The following KCNIP4 variants were observed in gnomAD, a reference collection of about 807,000 sequenced individuals.
KCNIP4 encodes Kv channel-interacting protein 4.
Under a neutral mutation model 34.0 loss-of-function variants are expected in KCNIP4, and 12 were observed. That is an observed-to-expected ratio of 0.35 (90% CI 0.23 to 0.57). KCNIP4 has a LOEUF of 0.57. Among genes scored for constraint, KCNIP4 ranks in the 20% least tolerant of loss-of-function variants. The pLI is 0.83. For missense variants in KCNIP4, 238 were observed against 311.7 expected, an observed-to-expected ratio of 0.76 and a Z score of 1.78; for synonymous variants, 124 against 102.2, an observed-to-expected ratio of 1.21 and a Z score of -1.29.
At chr4:21,739,887 G>C (rs1716283055) in intron 1 of KCNIP4, among the ~76,000 whole-genome samples, 1 of 152,032 alleles carries the variant, frequency 6.6e-6, no homozygotes, top group Non-Finnish European at 1.5e-5. Context: ...CCAATGGTTG[G>C]TTCACAGGAA....
intron 1 of KCNIP4, among the ~76,000 whole-genome samples, chr4:21,570,878 A>G (rs531313177): frequency 2.0e-5 from 3 of 152,138 alleles, no homozygotes; most frequent in South Asian, 2.1e-4. Flanking sequence ...TATTTTCCCT[A>G]TTTTATATGG....
At chr4:21,835,366 G>A (rs189248301) in intron 1 of KCNIP4, among the ~76,000 whole-genome samples, 163 of 151,996 alleles carry the variant, frequency 1.1e-3, no homozygotes, top group South Asian at 3.5e-3. Flanking sequence ...AAAATAAAAA[G>A]GTGATCAATC....
chr4:21,196,152 A>T (rs1355469068), intron 1 of KCNIP4, among the ~76,000 whole-genome samples: 2 of 152,236 alleles, frequency 1.3e-5, no homozygotes, highest in African/African-American at 4.8e-5. Context: ...AAAAGTTATC[A>T]TTAGTCCACA....
chr4:21,577,293 T>C (rs1740818340), intron 1 of KCNIP4, among the ~76,000 whole-genome samples: 1 of 152,172 alleles, frequency 6.6e-6, no homozygotes, highest in African/African-American at 2.4e-5. Flanking sequence ...AGACACCTCA[T>C]GATCTGGCCT....
intron 1 of KCNIP4, among the ~76,000 whole-genome samples, chr4:21,665,467 G>A (rs1009323359): frequency 1.3e-4 from 19 of 151,902 alleles, no homozygotes; most frequent in African/African-American, 4.3e-4. Context: ...AAGAAGTCAG[G>A]AAAAGCTGAG....
intron 3 of KCNIP4, among the ~76,000 whole-genome samples, chr4:20,838,504 C>T (rs1719334760): frequency 6.6e-6 from 1 of 152,176 alleles, no homozygotes; most frequent in Admixed American, 6.6e-5. Context: ...CATTTCCCAT[C>T]TTCCCCTGTA....
chr4:21,638,907 G>A (rs557678359), intron 1 of KCNIP4, among the ~76,000 whole-genome samples: 69 of 152,196 alleles, frequency 4.5e-4, no homozygotes, highest in South Asian at 3.5e-3. Context: ...AAGGTATCCA[G>A]GTGTGTTCTG....
chr4:20,982,306 A>G (rs904969195), intron 1 of KCNIP4, among the ~76,000 whole-genome samples: 1 of 152,206 alleles, frequency 6.6e-6, no homozygotes, highest in African/African-American at 2.4e-5. Context: ...CCAGAGAACC[A>G]AAACGTGGTG....
intron 1 of KCNIP4, among the ~76,000 whole-genome samples, chr4:21,588,777 A>T (rs1741865774): frequency 6.6e-6 from 1 of 151,650 alleles, no homozygotes; most frequent in Non-Finnish European, 1.5e-5. Flanking sequence ...CAAGAATGGG[A>T]TTTTATTTTC....
At chr4:21,771,541 C>T (rs539559908) in intron 1 of KCNIP4, among the ~76,000 whole-genome samples, 2 of 152,220 alleles carry the variant, frequency 1.3e-5, no homozygotes, top group South Asian at 4.1e-4. Flanking sequence ...GGCATTATGG[C>T]CATTTTCATG....
intron 1 of KCNIP4, among the ~76,000 whole-genome samples, chr4:20,985,115 T>C (rs535349122): frequency 2.0e-4 from 31 of 152,284 alleles, no homozygotes; most frequent in African/African-American, 6.0e-4. Context: ...AGGGACTCTG[T>C]AGGTGAACTG....
At chr4:21,238,906 C>A (rs1759579926) in intron 1 of KCNIP4, among the ~76,000 whole-genome samples, 1 of 152,118 alleles carries the variant, frequency 6.6e-6, no homozygotes, top group Admixed American at 6.6e-5. Flanking sequence ...AAACAGAGCC[C>A]ACATTGCTGA....
chr4:21,483,282 T>C (rs1389296368), intron 1 of KCNIP4, among the ~76,000 whole-genome samples: 1 of 151,878 alleles, frequency 6.6e-6, no homozygotes, highest in African/African-American at 2.4e-5. Flanking sequence ...CATAAAATGT[T>C]TAAAATTCTT....
chr4:20,818,667 C>G (rs961167706), intron 3 of KCNIP4, among the ~76,000 whole-genome samples: 2 of 152,150 alleles, frequency 1.3e-5, no homozygotes, highest in African/African-American at 4.8e-5. Flanking sequence ...AAAATCTCCA[C>G]TAGCTTTTCT....
At chr4:21,868,936 A>G (rs189962610) in intron 1 of KCNIP4, among the ~76,000 whole-genome samples, 1 of 152,350 alleles carries the variant, frequency 6.6e-6, no homozygotes, top group African/African-American at 2.4e-5. Context: ...CAACAGGATT[A>G]TTTGTTAAAA....
rs189346905 is a variant in KCNIP4 at position 21,930,953 on chromosome 4, T to C, written c.61+17618A>G. The stretch of plus-strand genomic sequence containing the variant: ...GAGAGCCAACCATCAGCAGACCCTG[T>C]TCTAGGCTTATGCCATATACTGAAC... On this transcript the variant is annotated intron_variant, in intron 1 of 8. Transcript: ENST00000382152. Among the ~76,000 whole-genome samples, 44 of 152,300 alleles carry C rather than the reference T, an allele frequency of 2.9e-4. 1 individual carries two copies. The highest frequency in any genetic ancestry group is 2.8e-3 in the Admixed American group (43 of 15,288).
intron 1 of KCNIP4, among the ~76,000 whole-genome samples, chr4:21,288,988 A>G (rs1192432758): frequency 6.6e-6 from 1 of 152,230 alleles, no homozygotes; most frequent in Non-Finnish European, 1.5e-5. Context: ...AATAAAGGAA[A>G]ACTAAGAACA....
chr4:21,654,923 CA>C (rs879270762), intron 1 of KCNIP4, among the ~76,000 whole-genome samples: 41 of 139,890 alleles, frequency 2.9e-4, no homozygotes, highest in Non-Finnish European at 4.1e-4. Flanking sequence ...GACTCTGTCT[CA>C]AAAAAAAAAG....
At chr4:21,665,477 G>A (rs1263217047) in intron 1 of KCNIP4, among the ~76,000 whole-genome samples, 1 of 151,396 alleles carries the variant, frequency 6.6e-6, no homozygotes, top group Non-Finnish European at 1.5e-5. Flanking sequence ...GAAAAGCTGA[G>A]GAATGGTTAC....
Sources: allele counts gnomAD v4.1 joint callset (sites outside exome capture counted in the v4.1 genomes callset), GRCh38; gene constraint gnomAD v4.1.1; transcripts MANE v1.5; gene names NCBI Gene and HGNC (gene_info 2026-07-23, HGNC 2026-07-21).